CLEC16A: variants seen among roughly 807,000 people sequenced by gnomAD.
CLEC16A encodes C-type lectin domain containing 16A, also known as protein CLEC16A.
CLEC16A carries 51 observed loss-of-function variants against 109.5 expected under a neutral mutation model. The ratio of observed to expected loss-of-function variants is 0.47; its 90% confidence interval spans 0.37 to 0.59. The LOEUF is 0.59. CLEC16A is among the 20% of genes least tolerant of loss of function. The pLI, the probability that CLEC16A is intolerant of heterozygous loss-of-function variation, is 0.00. For synonymous variants in CLEC16A, 673 were observed against 564.2 expected, an observed-to-expected ratio of 1.19 and a Z score of -2.73; for missense variants, 1,339 against 1,394.0, an observed-to-expected ratio of 0.96 and a Z score of 0.63.
intron 19 of CLEC16A, among the ~76,000 whole-genome samples, chr16:11,071,987 T>G (rs990052222): frequency 6.6e-6 from 1 of 152,070 alleles, no homozygotes; most frequent in East Asian, 1.9e-4. Context: ...AGGGGTAAAG[T>G]GTCTGATGCC....
At position 11,050,751 on chromosome 16, in the gene CLEC16A, G is replaced by C. The variant is rs77903236; in HGVS notation, c.1867-762G>C. Among the ~76,000 whole-genome samples, 45 of 152,356 alleles carry C rather than the reference G, an allele frequency of 3.0e-4. 1 individual carries two copies. In the Middle Eastern group the frequency reaches 0.02, roughly 69 times the overall value. ...CCTCTGAGCTCAGTGTCCCTTTTAT[G>C]ATGGGCCCACCAGCACCTGCCGTCC... On this transcript the variant is annotated intron_variant, in intron 17 of 23. Transcript: ENST00000409790.
chr16:11,171,518 G>C (rs980293959), intron 23 of CLEC16A, among the ~76,000 whole-genome samples: 1 of 152,226 alleles, frequency 6.6e-6, no homozygotes, highest in Non-Finnish European at 1.5e-5. Context: ...CCAGGAGCCA[G>C]GCATCTTGTC....
At chr16:11,132,234 A>ACCC (rs71406209) in intron 22 of CLEC16A, among the ~76,000 whole-genome samples, 81 of 70,604 alleles carry the variant, frequency 1.1e-3, no homozygotes, top group Admixed American at 1.5e-3. Context: ...TCGCCCACCC[A>ACCC]CCCCCCCCGC....
chr16:11,134,707 G>A (rs999150739), intron 22 of CLEC16A, among the ~76,000 whole-genome samples: 2 of 152,156 alleles, frequency 1.3e-5, no homozygotes, highest in Admixed American at 6.5e-5. Context: ...GTGTCATGTC[G>A]ACACTCAAAA....
intron 3 of CLEC16A, among the ~76,000 whole-genome samples, chr16:10,963,095 A>T (rs555895564): frequency 1.3e-5 from 2 of 151,656 alleles, no homozygotes; most frequent in South Asian, 4.2e-4. Context: ...TCAAGTTGCC[A>T]GCAGGGTTGG....
At chr16:11,039,080 C>A (rs560431883) in intron 13 of CLEC16A, among the ~76,000 whole-genome samples, 1 of 152,032 alleles carries the variant, frequency 6.6e-6, no homozygotes, top group Non-Finnish European at 1.5e-5. Context: ...GTGCGTAATA[C>A]GGGAGTGGCC....
intron 19 of CLEC16A, among the ~76,000 whole-genome samples, chr16:11,084,936 C>T (rs994832184): frequency 3.3e-5 from 5 of 152,202 alleles, no homozygotes. Context: ...GAAGGCTGCA[C>T]GCAGGCTGGA....
chr16:10,985,216 A>ATATATATAT (rs1320649141), intron 10 of CLEC16A, among the ~76,000 whole-genome samples: 4 of 117,088 alleles, frequency 3.4e-5, no homozygotes, highest in South Asian at 3.2e-4. Flanking sequence ...AAAAAAAAAA[A>ATATATATAT]AAAAATATAT....
intron 23 of CLEC16A, among the ~76,000 whole-genome samples, chr16:11,167,407 CTCA>C (rs1567413803): frequency 1.3e-5 from 2 of 152,178 alleles, no homozygotes; most frequent in African/African-American, 4.8e-5. Context: ...AGAGCCCTCA[CTCA>C]TCATATTTCA....
In CLEC16A at chr16:11,062,173, C is replaced by A. The variant is rs894632134; in HGVS notation, c.2116+1151C>A. Among the ~76,000 whole-genome samples the A allele has an allele frequency of 2.6e-5, 4 of 152,162 alleles. No individual in the cohort carries two copies. In the South Asian group the frequency reaches 6.2e-4, roughly 24 times the overall value. On this transcript the variant is annotated intron_variant, in intron 19 of 23. Transcript: ENST00000409790. ...AGGGAGGGCCAGTTCCTTTTGAACCCCATCACCTGAGAGAGGGAAGAGGCG... is the reference window on the plus strand; with the variant it reads ...AGGGAGGGCCAGTTCCTTTTGAACCACATCACCTGAGAGAGGGAAGAGGCG...
chr16:11,041,990 C>T, intron 14 of CLEC16A: 1 of 435,240 alleles, frequency 2.3e-6, no homozygotes, highest in Non-Finnish European at 4.2e-6. Flanking sequence ...AGTGTTTAGT[C>T]ACCCTCTTTT....
chr16:10,996,706 GCAGGATTCAC>G (rs755555923), intron 10 of CLEC16A, among the ~76,000 whole-genome samples: 26 of 152,232 alleles, frequency 1.7e-4, no homozygotes, highest in Admixed American at 6.5e-4. Context: ...GGCAATAAAT[GCAGGATTCAC>G]CAGGATTCAC....
chr16:11,126,047 A>C lies in CLEC16A; in HGVS notation c.2542A>C (p.Thr848Pro), dbSNP rs1399128695. The C allele has an allele frequency of 6.2e-7, 1 of 1,612,688 alleles. No individual in the cohort carries two copies. Among genetic ancestry groups the C allele is most frequent in the Non-Finnish European group, 8.5e-7 (1 of 1,179,646 alleles). The change falls in exon 22 of 24, where the codon ACT becomes CCT. Residue 848 changes from threonine (T) to proline (P), a missense_variant. Around this residue, in one of 3 missense-constraint regions of CLEC16A, gnomAD observed 1,061 missense variants for 1,006.8 expected, o/e 1.05. Coordinates refer to ENST00000409790, the MANE Select transcript of CLEC16A (RefSeq NM_015226.3). ...GTTTGGACTCGGCTCCTCCACCTCC[A>C]CTCAGCACCTGCCTTTCCGCTTCTA... Reference protein sequence around the residue: ...LGFGLGSSTSTQHLPFRFYDQ... With the variant: ...LGFGLGSSTSPQHLPFRFYDQ...
At chr16:11,077,253 T>G in intron 19 of CLEC16A, among the ~76,000 whole-genome samples, 1 of 152,008 alleles carries the variant, frequency 6.6e-6, no homozygotes, top group East Asian at 1.9e-4. Context: ...GCGGATTGCC[T>G]GAAGTCAGGA....
intron 2 of CLEC16A, 75 bp downstream of exon 2, chr16:10,957,985 TTCTG>T: frequency 1.4e-6 from 2 of 1,433,376 alleles, no homozygotes; most frequent in Non-Finnish European, 9.7e-7. Context: ...CTATGAGTCA[TTCTG>T]GATGATGTCA....
chr16:11,148,457 CTG>C (rs2054158553), intron 22 of CLEC16A, among the ~76,000 whole-genome samples: 1 of 152,146 alleles, frequency 6.6e-6, no homozygotes, highest in African/African-American at 2.4e-5. Context: ...ATATCAGACA[CTG>C]TGCCAAGCAA....
intron 18 of CLEC16A, among the ~76,000 whole-genome samples, chr16:11,059,954 T>G (rs1376400677): frequency 6.6e-6 from 1 of 152,180 alleles, no homozygotes; most frequent in Non-Finnish European, 1.5e-5. Context: ...CCAGCAGCTG[T>G]GCCTCAGGGA....
intron 9 of CLEC16A, 25 bp downstream of exon 9, chr16:10,979,407 C>A (rs2043197742): frequency 3.1e-6 from 5 of 1,608,610 alleles, no homozygotes; most frequent in Non-Finnish European, 4.2e-6. Context: ...TCACCAATGT[C>A]CCCACTACAT....
intron 18 of CLEC16A, chr16:11,056,897 A>AAGTTTTTCATGTTGTCAC (rs2048240677): frequency 6.6e-6 from 1 of 152,188 alleles, no homozygotes; most frequent in East Asian, 1.9e-4. Flanking sequence ...GTAGCACAAG[A>AAGTTTTTCATGTTGTCAC]AGTTTTTCAT....
Sources: gnomAD v4.1 joint callset for allele counts (sites outside exome capture counted in the v4.1 genomes callset) on GRCh38, gnomAD v4.1.1 for gene constraint, gnomAD v4.1.1 regional missense constraint, MANE v1.5 for transcripts, NCBI Gene and HGNC (gene_info 2026-07-23, HGNC 2026-07-21) for gene names.